Variants in SLC25A21 observed in about 807,000 individuals in gnomAD.
SLC25A21 encodes solute carrier family 25 member 21, also known as mitochondrial 2-oxodicarboxylate carrier.
A neutral mutation model predicts 43.8 loss-of-function variants in SLC25A21; 47 were observed. That is an observed-to-expected ratio of 1.07 (90% CI 0.85 to 1.37). The LOEUF (loss-of-function observed/expected upper bound fraction) is 1.37, where lower values mean the gene tolerates loss of function less well. Ranked by LOEUF, SLC25A21 falls within the 40% of genes most tolerant of loss-of-function variation. SLC25A21 has a pLI of 0.00. For missense variants in SLC25A21, 352 were observed against 350.2 expected, an observed-to-expected ratio of 1.00 and a Z score of -0.04; for synonymous variants, 131 against 121.3, an observed-to-expected ratio of 1.08 and a Z score of -0.52.
At chr14:37,165,538 G>C (rs2138955223) in intron 1 of SLC25A21, among the ~76,000 whole-genome samples, 1 of 152,320 alleles carries the variant, frequency 6.6e-6, no homozygotes, top group Middle Eastern at 3.4e-3. Flanking sequence ...GGGACTGGCA[G>C]ACTTTGGGGA....
chr14:36,899,705 A>G (rs1163846754), intron 1 of SLC25A21, among the ~76,000 whole-genome samples: 3 of 152,236 alleles, frequency 2.0e-5, no homozygotes, highest in East Asian at 3.9e-4. Context: ...TATTAAAATG[A>G]GCAGAATCTA....
At chr14:36,982,988 T>G (rs538052192) in intron 1 of SLC25A21, among the ~76,000 whole-genome samples, 1 of 152,296 alleles carries the variant, frequency 6.6e-6, no homozygotes, top group Non-Finnish European at 1.5e-5. Flanking sequence ...TTTTTCAAAA[T>G]AGGCTAAAGG....
intron 1 of SLC25A21, among the ~76,000 whole-genome samples, chr14:37,122,436 T>C (rs1210998671): frequency 6.6e-6 from 1 of 152,228 alleles, no homozygotes; most frequent in Non-Finnish European, 1.5e-5. Context: ...TCAGGCTCTA[T>C]GCTAAGTGCT....
intron 1 of SLC25A21, among the ~76,000 whole-genome samples, chr14:37,086,967 A>G (rs1962497731): frequency 6.6e-6 from 1 of 152,222 alleles, no homozygotes; most frequent in Non-Finnish European, 1.5e-5. Flanking sequence ...CACACAAAGA[A>G]ATGACTTTGT....
At chr14:36,940,301 A>T (rs747453289) in intron 1 of SLC25A21, among the ~76,000 whole-genome samples, 11 of 152,148 alleles carry the variant, frequency 7.2e-5, no homozygotes, top group Non-Finnish European at 1.5e-4. Flanking sequence ...AGGAAATGAC[A>T]CTATGTTTAT....
intron 1 of SLC25A21, among the ~76,000 whole-genome samples, chr14:37,143,589 C>CGTGTGTGTGTGTGTGTGTGTGT (rs10531936): frequency 1.7e-4 from 25 of 148,650 alleles, no homozygotes; most frequent in African/African-American, 5.9e-4. Flanking sequence ...TGTTCATTAG[C>CGTGTGTGTGTGTGTGTGTGTGT]GTGTGTGTGT....
intron 7 of SLC25A21, among the ~76,000 whole-genome samples, chr14:36,708,306 C>T (rs560756970): frequency 6.6e-6 from 1 of 152,102 alleles, no homozygotes; most frequent in South Asian, 2.1e-4. Flanking sequence ...TTTTCAGAGT[C>T]CTGATTAATA....
intron 1 of SLC25A21, among the ~76,000 whole-genome samples, chr14:36,971,262 G>C (rs1179289451): frequency 6.6e-6 from 1 of 152,194 alleles, no homozygotes; most frequent in Non-Finnish European, 1.5e-5. Flanking sequence ...AGAGCAGCCT[G>C]TAGAATTGAG....
intron 1 of SLC25A21, among the ~76,000 whole-genome samples, chr14:36,960,739 T>C (rs1431031789): frequency 1.3e-5 from 2 of 152,120 alleles, no homozygotes; most frequent in Non-Finnish European, 2.9e-5. Context: ...TGTAGTTCCA[T>C]GCACAGCCCT....
chr14:36,882,746 T>C (rs1367139853), intron 1 of SLC25A21, among the ~76,000 whole-genome samples: 1 of 151,684 alleles, frequency 6.6e-6, no homozygotes, highest in Non-Finnish European at 1.5e-5. Context: ...GGCTTAAATA[T>C]CTGATTGCCT....
rs191142356 is a variant in SLC25A21 at position 37,020,605 on chromosome 14, C to T, written c.71-145601G>A. Among the ~76,000 whole-genome samples the T allele has an allele frequency of 1.7e-3, 264 of 151,762 alleles. 1 individual carries two copies. Among genetic ancestry groups the T allele is most frequent in the African/African-American group, 6.4e-3 (264 of 41,448 alleles). On this transcript the variant is annotated intron_variant, in intron 1 of 9. Coordinates refer to ENST00000331299, the MANE Select transcript of SLC25A21 (RefSeq NM_030631.4). ...TTTTCTTTAATACTAAAATTTGGTC[C>T]ATCTGTCGGGAAAACAGAAAATGTT...
At chr14:36,747,512 G>A (rs1885545546) in intron 3 of SLC25A21, among the ~76,000 whole-genome samples, 1 of 152,102 alleles carries the variant, frequency 6.6e-6, no homozygotes, top group Non-Finnish European at 1.5e-5. Context: ...ACGGCAGCTG[G>A]GGCAGAAAGC....
chr14:36,895,845 C>T lies in SLC25A21; in HGVS notation c.71-20841G>A, dbSNP rs551933350. On this transcript the variant is annotated intron_variant, in intron 1 of 9. Transcript: ENST00000331299. Reference sequence around the variant, plus strand: ...GTTGTTCAGTTTCCATATAGTTGTGCGGTTTTGAGTGAGTTTCTTAATCCT... The same window carrying T: ...GTTGTTCAGTTTCCATATAGTTGTGTGGTTTTGAGTGAGTTTCTTAATCCT... 3.3e-5 allele frequency among the ~76,000 whole-genome samples: 5 copies of T among 152,234 alleles called. No homozygotes were observed. In the South Asian group the frequency reaches 6.2e-4, roughly 19 times the overall value.
At chr14:37,015,656 C>T (rs901182834) in intron 1 of SLC25A21, among the ~76,000 whole-genome samples, 1 of 151,554 alleles carries the variant, frequency 6.6e-6, no homozygotes, top group Non-Finnish European at 1.5e-5. Flanking sequence ...ACAGTTCCAC[C>T]AACAGTGTAA....
chr14:36,751,274 T>C (rs1885698803), intron 3 of SLC25A21, among the ~76,000 whole-genome samples: 1 of 152,214 alleles, frequency 6.6e-6, no homozygotes, highest in Admixed American at 6.5e-5. Flanking sequence ...CTCATGCACT[T>C]TGCAGAACAG....
intron 3 of SLC25A21, among the ~76,000 whole-genome samples, chr14:36,766,967 TTG>T (rs1886439585): frequency 1.3e-5 from 2 of 152,316 alleles, no homozygotes; most frequent in South Asian, 4.1e-4. Context: ...GTGCCTAATA[TTG>T]TGTGATATAA....
At chr14:36,854,433 C>T (rs954756257) in intron 2 of SLC25A21, among the ~76,000 whole-genome samples, 4 of 152,132 alleles carry the variant, frequency 2.6e-5, no homozygotes, top group Non-Finnish European at 4.4e-5. Flanking sequence ...ATGTTAACTG[C>T]TTGTATTTGA....
chr14:36,807,478 A>G (rs1208428678), intron 3 of SLC25A21, among the ~76,000 whole-genome samples: 3 of 152,166 alleles, frequency 2.0e-5, no homozygotes, highest in Non-Finnish European at 2.9e-5. Flanking sequence ...TGGCTGTGGG[A>G]AGAGTCAGCT....
At chr14:36,949,643 G>A (rs573000353) in intron 1 of SLC25A21, among the ~76,000 whole-genome samples, 56 of 151,406 alleles carry the variant, frequency 3.7e-4, no homozygotes, top group Non-Finnish European at 6.5e-4. Flanking sequence ...TTTTTCCTTC[G>A]TTGAACAACT....
Sources: gnomAD v4.1 joint callset for allele counts (sites outside exome capture counted in the v4.1 genomes callset) on GRCh38, gnomAD v4.1.1 for gene constraint, MANE v1.5 for transcripts, NCBI Gene and HGNC (gene_info 2026-07-23, HGNC 2026-07-21) for gene names.